Variants in MLXIP observed in about 807,000 individuals in gnomAD.
MLXIP encodes MLX-interacting protein.
Under a neutral mutation model 87.2 loss-of-function variants are expected in MLXIP, and 30 were observed. The observed-to-expected ratio is 0.34, with a 90% CI of 0.26 to 0.47. The LOEUF is 0.47. Ranked by LOEUF, MLXIP falls within the 20% of genes least tolerant of loss-of-function variation. The probability of loss-of-function intolerance (pLI) is 1.00; values close to 1 mark genes in which losing one functional copy is unlikely to be tolerated. For missense variants in MLXIP, 1,002 were observed against 1,240.1 expected (o/e 0.81, Z 2.88); for synonymous variants, 530 against 514.0 (o/e 1.03, Z -0.42).
intron 1 of MLXIP, among the ~76,000 whole-genome samples, chr12:122,112,100 TGTG>T (rs1405533393): frequency 6.6e-6 from 1 of 152,156 alleles, no homozygotes; most frequent in Non-Finnish European, 1.5e-5. Context: ...AGCACAGAGT[TGTG>T]GTGATTAAAT....
rs994723334 is a variant in MLXIP, at chr12:122,078,891, C to T, written c.38C>T (p.Pro13Leu). 31 of 1,142,564 alleles carry T rather than the reference C, an allele frequency of 2.7e-5. No individual in the cohort carries two copies. Among genetic ancestry groups the T allele is most frequent in the Non-Finnish European group, 3.0e-5 (28 of 925,966 alleles). The allele number at this position is 1,142,564 out of a possible 1,614,324, so 70.8% of individuals were successfully genotyped here. The change falls in exon 1 of 17, where the codon CCT becomes CTT. Residue 13 changes from proline to leucine, a missense_variant. Coordinates refer to ENST00000319080, the MANE Select transcript of MLXIP (RefSeq NM_014938.6). ...ADVFMCSPRR[P>L]RSRGRQVLLK... ...GTCTTCATGTGCTCCCCGCGCCGGCCTCGCAGCCGGGGCCGCCAGGTGCTG... is the reference window on the plus strand; with the variant it reads ...GTCTTCATGTGCTCCCCGCGCCGGCTTCGCAGCCGGGGCCGCCAGGTGCTG...
In MLXIP at chr12:122,079,276, C is replaced by G. The variant is rs1352633015; in HGVS notation, c.413+10C>G. 30 of 1,547,734 alleles carry G rather than the reference C, an allele frequency of 1.9e-5. No homozygotes were observed. The highest frequency in any genetic ancestry group is 2.4e-5 in the Non-Finnish European group (28 of 1,145,194). On this transcript the variant is annotated intron_variant, in intron 1 of 16. Coordinates refer to ENST00000319080, the MANE Select transcript of MLXIP (RefSeq NM_014938.6). ...TGACTTTGGCCTACAGGTAGGGACC[C>G]CCGCGACCCCCTGAGGCCCCGGCCG...
intron 1 of MLXIP, among the ~76,000 whole-genome samples, chr12:122,125,926 T>G (rs562065687): frequency 6.6e-6 from 1 of 152,318 alleles, no homozygotes; most frequent in African/African-American, 2.4e-5. Context: ...GTTCACAGAA[T>G]GTTTGCTGCT....
In MLXIP at chr12:122,138,418, C is replaced by T. The variant is rs770626176; in HGVS notation, c.2257-6C>T. ...TGCTGCCTCCAGCCACCTGCCCCTTCTGCAGACCAGTCACGCCATCACACT... is the reference window on the plus strand; with the variant it reads ...TGCTGCCTCCAGCCACCTGCCCCTTTTGCAGACCAGTCACGCCATCACACT... On this transcript the variant is annotated splice_region_variant and splice_polypyrimidine_tract_variant and intron_variant, in intron 13 of 16. Coordinates refer to ENST00000319080, the MANE Select transcript of MLXIP (RefSeq NM_014938.6). 2 of 1,613,424 alleles carry T rather than the reference C, an allele frequency of 1.2e-6. No individual in the cohort carries two copies. The highest frequency in any genetic ancestry group is 1.7e-5 in the Admixed American group (1 of 60,016).
chr12:122,087,107 A>G (rs1952179309), intron 1 of MLXIP, among the ~76,000 whole-genome samples: 1 of 152,136 alleles, frequency 6.6e-6, no homozygotes, highest in Non-Finnish European at 1.5e-5. Flanking sequence ...CATGAGGGCT[A>G]ATTGAGAGGG....
At chr12:122,089,618 T>G (rs1396784336) in intron 1 of MLXIP, among the ~76,000 whole-genome samples, 2 of 152,342 alleles carry the variant, frequency 1.3e-5, no homozygotes, top group South Asian at 2.1e-4. Flanking sequence ...AGTGTAAGGT[T>G]CAGTGATTTT....
chr12:122,094,190 TGTGTGTGTTG>T (rs1438038458), intron 1 of MLXIP, among the ~76,000 whole-genome samples: 2 of 91,632 alleles, frequency 2.2e-5, no homozygotes, highest in Admixed American at 1.3e-4. Context: ...TGGTGTGTGT[TGTGTGTGTTG>T]GTGTGTGGAG....
At chr12:122,132,717 A>G (rs1593110936) in intron 8 of MLXIP, 1 of 257,350 alleles carries the variant, frequency 3.9e-6, no homozygotes, top group Non-Finnish European at 7.4e-6. Flanking sequence ...TAACTTCTGT[A>G]TATTTCTTTC....
intron 1 of MLXIP, among the ~76,000 whole-genome samples, chr12:122,097,857 A>G (rs1448742238): frequency 8.0e-6 from 1 of 124,686 alleles, no homozygotes; most frequent in East Asian, 2.6e-4. Flanking sequence ...CCCCCTCCCC[A>G]CAAGAAACCT....
At chr12:122,106,028 C>G (rs541606453) in intron 1 of MLXIP, among the ~76,000 whole-genome samples, 2 of 152,290 alleles carry the variant, frequency 1.3e-5, no homozygotes, top group East Asian at 1.9e-4. Context: ...TGCCTGTTGC[C>G]CAGGCCAGCC....
At chr12:122,119,167 CAAA>C (rs367828097) in intron 1 of MLXIP, among the ~76,000 whole-genome samples, 1 of 148,382 alleles carries the variant, frequency 6.7e-6, no homozygotes, top group South Asian at 2.1e-4. Context: ...GACTCTGTCT[CAAA>C]AAAACAAACA....
intron 1 of MLXIP, among the ~76,000 whole-genome samples, chr12:122,113,983 CCTT>C (rs1952646775): frequency 8.2e-6 from 1 of 122,090 alleles, no homozygotes; most frequent in African/African-American, 3.0e-5. Flanking sequence ...CTGCACCCGG[CCTT>C]TTTTTTTTTT....
rs1354217979 is a variant in MLXIP, at chr12:122,142,526, C to T, written c.*714C>T. 1 of 351,954 alleles carries T rather than the reference C, an allele frequency of 2.8e-6. No homozygotes were observed. The highest frequency in any genetic ancestry group is 5.6e-6 in the Non-Finnish European group (1 of 177,896). The allele number at this position is 351,954 out of a possible 1,614,324, so 21.8% of individuals were successfully genotyped here. On this transcript the variant is annotated 3_prime_UTR_variant, in exon 17 of 17. Coordinates refer to ENST00000319080, the MANE Select transcript of MLXIP (RefSeq NM_014938.6). The stretch of plus-strand genomic sequence containing the variant: ...GCCCTGCTGGGCATGTTTCATCTGT[C>T]CCCTTTTAGCTCCACCTGACATTGC...
In MLXIP at chr12:122,129,966, A is replaced by G. The variant is rs756957173; in HGVS notation, c.764A>G (p.Lys255Arg). 7 of 1,613,744 alleles carry G rather than the reference A, an allele frequency of 4.3e-6. No individual in the cohort carries two copies. The highest frequency in any genetic ancestry group is 5.1e-6 in the Non-Finnish European group (6 of 1,179,740). The change falls in exon 6 of 17, where the codon AAG becomes AGG. Residue 255 changes from lysine (K) to arginine (R), a missense_variant. Coordinates refer to ENST00000319080, the MANE Select transcript of MLXIP (RefSeq NM_014938.6). ...VQDDDMLYWH[K>R]HGDGWKTPVP... ...GACGATGACATGCTGTATTGGCACA[A>G]GCACGGGGATGGATGGAAGACCCCC...
intron 1 of MLXIP, among the ~76,000 whole-genome samples, chr12:122,087,006 G>A (rs1952177801): frequency 6.6e-6 from 1 of 152,152 alleles, no homozygotes; most frequent in Non-Finnish European, 1.5e-5. Flanking sequence ...CCCAGCTTGA[G>A]CCTGCCAGGG....
intron 1 of MLXIP, among the ~76,000 whole-genome samples, chr12:122,105,271 TC>T (rs1952502014): frequency 6.6e-6 from 1 of 152,154 alleles, no homozygotes; most frequent in African/African-American, 2.4e-5. Context: ...TAAGCTTTTT[TC>T]CTAATGCCTC....
chr12:122,105,130 A>C (rs1952500072), intron 1 of MLXIP, among the ~76,000 whole-genome samples: 1 of 152,174 alleles, frequency 6.6e-6, no homozygotes, highest in South Asian at 2.1e-4. Context: ...CCATACTGTC[A>C]GGTGGGCCCA....
At chr12:122,126,218 G>C (rs1271917291) in intron 1 of MLXIP, among the ~76,000 whole-genome samples, 2 of 152,338 alleles carry the variant, frequency 1.3e-5, no homozygotes, top group Middle Eastern at 3.4e-3. Flanking sequence ...GTTTACAAGT[G>C]CTCTGGACTT....
chr12:122,116,421 T>A (rs28626850), intron 1 of MLXIP, among the ~76,000 whole-genome samples: 76,937 of 152,046 alleles, frequency 0.51, 19,995 homozygotes, highest in Middle Eastern at 0.64. Flanking sequence ...TCAGAAAATA[T>A]GGGGCACATG....
Sources: allele counts gnomAD v4.1 joint callset (sites outside exome capture counted in the v4.1 genomes callset), GRCh38; gene constraint gnomAD v4.1.1; transcripts MANE v1.5; gene names NCBI Gene and HGNC (gene_info 2026-07-23, HGNC 2026-07-21).